The following SRCIN1 variants were observed in gnomAD, a reference collection of about 807,000 sequenced individuals.
The protein encoded by SRCIN1 is SRC kinase signaling inhibitor 1.
A neutral mutation model predicts 116.2 loss-of-function variants in SRCIN1; 50 were observed. That is an observed-to-expected ratio of 0.43 (90% CI 0.34 to 0.54). SRCIN1 has a LOEUF of 0.54. Ranked by LOEUF, SRCIN1 falls within the 20% of genes least tolerant of loss-of-function variation. The pLI, the probability that SRCIN1 is intolerant of heterozygous loss-of-function variation, is 0.02. For missense variants in SRCIN1, 1,446 were observed against 1,672.0 expected (o/e 0.86, Z 2.36); for synonymous variants, 736 against 750.0 (o/e 0.98, Z 0.30).
chr17:38,596,414 G>A (rs1163706738), intron 1 of SRCIN1, among the ~76,000 whole-genome samples: 1 of 152,094 alleles, frequency 6.6e-6, no homozygotes, highest in Non-Finnish European at 1.5e-5. Flanking sequence ...GAGACAGACA[G>A]GGGGACAAAC....
upstream of SRCIN1, among the ~76,000 whole-genome samples, chr17:38,606,456 A>AC (rs1172619385): frequency 6.6e-6 from 1 of 151,562 alleles, no homozygotes; most frequent in African/African-American, 2.4e-5. This position sits in a 1 kb window ranked among gnomAD's most constrained non-coding sequence, Gnocchi z 5.2. Context: ...CTGCCTCGCG[A>AC]CCCCTCACCC....
chr17:38,583,940 A>G (rs186356843), intron 1 of SRCIN1, among the ~76,000 whole-genome samples: 196 of 142,632 alleles, frequency 1.4e-3, no homozygotes, highest in African/African-American at 5.2e-3. Flanking sequence ...CGCCTGTTCC[A>G]GCCATCAGCA....
At position 38,603,250 on chromosome 17, in the gene SRCIN1, C is replaced by T. The variant is rs113712854; in HGVS notation, c.22+2434G>A. Among the ~76,000 whole-genome samples, 1,494 of 151,968 alleles carry T rather than the reference C, an allele frequency of 9.8e-3. 18 individuals carry two copies. The highest frequency in any genetic ancestry group is 0.048 in the Middle Eastern group (14 of 294). ...AAGAGAGAGAGAGAGCGCGAGAGTG[C>T]ATCAGAGAGGCCCTGCATCCCAGTG... On this transcript the variant is annotated intron_variant, in intron 1 of 18. Coordinates refer to ENST00000617146, the MANE Select transcript of SRCIN1 (RefSeq NM_025248.3).
chr17:38,588,591 C>A (rs991849397), intron 1 of SRCIN1, among the ~76,000 whole-genome samples: 1 of 152,194 alleles, frequency 6.6e-6, no homozygotes, highest in Non-Finnish European at 1.5e-5. Context: ...GCTGCCAGGG[C>A]GTCTTCTCCC....
chr17:38,559,556 G>A, intron 10 of SRCIN1, 29 bp downstream of exon 10: 1 of 1,588,650 alleles, frequency 6.3e-7, no homozygotes, highest in Non-Finnish European at 8.5e-7. Flanking sequence ...GTGGGCGTTG[G>A]TGGGGCGGGG....
At chr17:38,595,748 CCTCTT>C (rs1402088797) in intron 1 of SRCIN1, among the ~76,000 whole-genome samples, 5 of 152,198 alleles carry the variant, frequency 3.3e-5, no homozygotes, top group Admixed American at 1.3e-4. Context: ...AGGATTCCCG[CCTCTT>C]CTCTTCACCC....
intron 2 of SRCIN1, among the ~76,000 whole-genome samples, chr17:38,569,660 A>AAAAC (rs919211449): frequency 6.6e-6 from 1 of 152,186 alleles, no homozygotes; most frequent in African/African-American, 2.4e-5. Context: ...TTCACGCTAG[A>AAAAC]AAACAAACAA....
chr17:38,549,189 T>C lies in SRCIN1; in HGVS notation c.2984A>G (p.Tyr995Cys). The change falls in exon 16 of 19, where the codon TAC becomes TGC. Residue 995 changes from tyrosine (Y) to cysteine (C), a missense_variant. Around this residue, in one of 5 missense-constraint regions of SRCIN1, gnomAD observed 531 missense variants for 633.9 expected, o/e 0.84. Transcript: ENST00000617146. The stretch of plus-strand genomic sequence containing the variant: ...CGACTTGGAGGGCTTCTCTGTGCGG[T>C]ATCGGGGCACGGTCAACTCATCTGC... ...RGSDELTVPR[Y>C]RTEKPSKSPP... 1 of 1,553,834 alleles carries C rather than the reference T, an allele frequency of 6.4e-7. No individual in the cohort carries two copies. Among genetic ancestry groups the C allele is most frequent in the Non-Finnish European group, 8.7e-7 (1 of 1,153,118 alleles).
chr17:38,543,775 G>T lies in SRCIN1; in HGVS notation c.3417+48C>A, dbSNP rs1339844956. The T allele has an allele frequency of 6.3e-6, 10 of 1,584,382 alleles. No individual in the cohort carries two copies. In the East Asian group the frequency reaches 1.8e-4, roughly 28 times the overall value. The stretch of plus-strand genomic sequence containing the variant: ...AGATGCCCAGTGGGGCAGGGGCCCG[G>T]CATGCAGCAGAGTGGGCCTGGGTGG... On this transcript the variant is annotated intron_variant, in intron 18 of 18. Coordinates refer to ENST00000617146, the MANE Select transcript of SRCIN1 (RefSeq NM_025248.3).
intron 1 of SRCIN1, among the ~76,000 whole-genome samples, chr17:38,579,295 T>C (rs1035107596): frequency 6.6e-6 from 1 of 152,170 alleles, no homozygotes. Flanking sequence ...CAGACTAGCA[T>C]ATGTCCAGGA....
chr17:38,598,988 A>AGT (rs140186252), intron 1 of SRCIN1, among the ~76,000 whole-genome samples: 1 of 151,656 alleles, frequency 6.6e-6, no homozygotes, highest in Non-Finnish European at 1.5e-5. Flanking sequence ...GTAAGGCATG[A>AGT]GTGTGTGTGT....
rs1419081869 is a variant in SRCIN1, at chr17:38,562,503, G to T, written c.835-175C>A. On this transcript the variant is annotated intron_variant, in intron 6 of 18. Transcript: ENST00000617146. This position sits in a 1 kb window ranked among gnomAD's most constrained non-coding sequence, Gnocchi z 4.2. ...TCCCATCAGGGTTCCTAGCATGGAG[G>T]AAAAGGTGGCCGATGAAGAGGCACC... is the stretch of plus-strand genomic sequence containing the variant. 6.6e-6 allele frequency among the ~76,000 whole-genome samples: 1 copy of T among 152,230 alleles called. No homozygotes were observed. The highest frequency in any genetic ancestry group is 6.5e-5 in the Admixed American group (1 of 15,292).
At chr17:38,533,632 C>T (rs1455175886) in intron 18 of SRCIN1, among the ~76,000 whole-genome samples, 6 of 148,946 alleles carry the variant, frequency 4.0e-5, no homozygotes, top group Non-Finnish European at 4.5e-5. Context: ...GGAGGGGGCA[C>T]GAGGTTGGAC....
intron 11 of SRCIN1, among the ~76,000 whole-genome samples, chr17:38,556,639 G>A (rs1905823383): frequency 6.6e-6 from 1 of 152,232 alleles, no homozygotes; most frequent in African/African-American, 2.4e-5. Flanking sequence ...TCATGGCCAG[G>A]TTGGAGCCCA....
intron 1 of SRCIN1, among the ~76,000 whole-genome samples, chr17:38,603,413 G>C (rs1368953991): frequency 6.6e-6 from 1 of 152,100 alleles, no homozygotes; most frequent in Non-Finnish European, 1.5e-5. Flanking sequence ...GTAGCTCTTT[G>C]AGGGGTTCAT....
chr17:38,538,340 C>T (rs1288321679), intron 18 of SRCIN1, among the ~76,000 whole-genome samples: 1 of 149,122 alleles, frequency 6.7e-6, no homozygotes, highest in African/African-American at 2.5e-5. Flanking sequence ...TCACTTGAAC[C>T]CAGGAGGCGG....
chr17:38,596,671 G>A lies in SRCIN1; in HGVS notation c.22+9013C>T, dbSNP rs542413547. The stretch of plus-strand genomic sequence containing the variant: ...GGTGACAACCCTCTCCCCAGCCTAC[G>A]AGACCCCCATCTGCTCCACTCCCCA... On this transcript the variant is annotated intron_variant, in intron 1 of 18. Coordinates refer to ENST00000617146, the MANE Select transcript of SRCIN1 (RefSeq NM_025248.3). 5.9e-5 allele frequency among the ~76,000 whole-genome samples: 9 copies of A among 152,048 alleles called. No homozygotes were observed. The East Asian group carries it at 1.7e-3, about 29-fold the overall frequency.
chr17:38,544,870 G>A lies in SRCIN1; in HGVS notation c.3271-901C>T, dbSNP rs1904983399. On this transcript the variant is annotated intron_variant, in intron 17 of 18. Coordinates refer to ENST00000617146, the MANE Select transcript of SRCIN1 (RefSeq NM_025248.3). This position sits in a 1 kb window ranked among gnomAD's most constrained non-coding sequence, Gnocchi z 4.5. ...AGCAGAGGAGGATGAAAAGCGGGCA[G>A]CCACCTGGGGGCGGAGGGGTAGGGG... 1 of 137,204 alleles carries A rather than the reference G, an allele frequency of 7.3e-6. No individual in the cohort carries two copies. Among genetic ancestry groups the A allele is most frequent in the Admixed American group, 7.3e-5 (1 of 13,656 alleles). The allele number at this position is 137,204 out of a possible 1,614,324, so 8.5% of individuals were successfully genotyped here. A position where few individuals can be genotyped will look rare whatever the true frequency, so the allele number is the denominator to read the frequency against.
At chr17:38,586,449 A>G (rs1276986386) in intron 1 of SRCIN1, among the ~76,000 whole-genome samples, 1 of 152,212 alleles carries the variant, frequency 6.6e-6, no homozygotes, top group African/African-American at 2.4e-5. Flanking sequence ...AAGGGTCTGG[A>G]GCAGGCTGAT....
Sources: allele counts gnomAD v4.1 joint callset (sites outside exome capture counted in the v4.1 genomes callset), GRCh38; gene constraint gnomAD v4.1.1; regional missense constraint gnomAD v4.1.1; non-coding constraint Gnocchi (gnomAD v3.1); transcripts MANE v1.5; gene names NCBI Gene and HGNC (gene_info 2026-07-23, HGNC 2026-07-21).